MIDEAS: variants seen among roughly 807,000 people sequenced by gnomAD.
MIDEAS encodes mitotic deacetylase associated SANT domain protein.
MIDEAS carries 26 observed loss-of-function variants against 102.7 expected under a neutral mutation model. That is an observed-to-expected ratio of 0.25 (90% CI 0.19 to 0.35). The LOEUF (loss-of-function observed/expected upper bound fraction) is 0.35, where lower values mean the gene tolerates loss of function less well. Among genes scored for constraint, MIDEAS ranks in the 10% least tolerant of loss-of-function variants. The probability of loss-of-function intolerance (pLI) is 1.00; values close to 1 mark genes in which losing one functional copy is unlikely to be tolerated. For synonymous variants in MIDEAS, 585 were observed against 591.0 expected, an observed-to-expected ratio of 0.99 and a Z score of 0.15; for missense variants, 1,231 against 1,435.6, an observed-to-expected ratio of 0.86 and a Z score of 2.30.
rs569032904 is a variant in MIDEAS, at chr14:73,752,783, G to A, written c.-248+6980C>T. The stretch of plus-strand genomic sequence containing the variant: ...TTTCTCCAGTCTCTGAGCAGCTGCT[G>A]CAGGGCCTTTTCTCCTATGTTGATT... On this transcript the variant is annotated intron_variant, in intron 1 of 12. Transcript: ENST00000423556. Among the ~76,000 whole-genome samples, 12 of 152,324 alleles carry A rather than the reference G, an allele frequency of 7.9e-5. No individual in the cohort carries two copies. In the South Asian group the frequency reaches 8.3e-4, roughly 11 times the overall value.
At chr14:73,730,110 C>T in intron 3 of MIDEAS, 125 bp from the exon 4 acceptor site, 1 of 1,024,534 alleles carries the variant, frequency 9.8e-7, no homozygotes, top group South Asian at 1.4e-5. Flanking sequence ...CCAAGGCAAG[C>T]CTGAAAAAAG....
Position 73,718,956 on chromosome 14 carries a change from G to C in MIDEAS, c.3187C>G (p.Gln1063Glu). 1 of 1,519,758 alleles carries C rather than the reference G, an allele frequency of 6.6e-7. No homozygotes were observed. The highest frequency in any genetic ancestry group is 8.8e-7 in the Non-Finnish European group (1 of 1,141,394). The allele number at this position is 1,519,758 out of a possible 1,614,324, so 94.1% of individuals were successfully genotyped here. Residue 1063 changes from glutamine (Q) to glutamate (E), a missense_variant, in exon 13 of 13, where the codon CAG (glutamine) becomes GAG (glutamate). By Grantham distance (29) the Gln-to-Glu change is conservative (BLOSUM62 2). This residue lies in a region of MIDEAS where 71 missense variants were observed against 51.9 expected (regional missense o/e 1.37). Coordinates refer to ENST00000423556, the MANE Select transcript of MIDEAS (RefSeq NM_001367710.1). The part of the protein sequence containing the change: ...RSAHMKSHAE[Q>E]EKKAAALRLK... ...CTCAGCGCTGCAGCCTTCTTCTCCT[G>C]CTCTGCGTGGCTCTTCATATGCGCA...
chr14:73,739,168 G>T lies in MIDEAS; in HGVS notation c.841C>A (p.Pro281Thr). Residue 281 changes from proline (P) to threonine (T), a missense_variant, in exon 2 of 13, where the codon CCC (proline) becomes ACC (threonine). By Grantham distance (38) the Pro-to-Thr change is conservative (BLOSUM62 -1). Around this residue, in one of 5 missense-constraint regions of MIDEAS, gnomAD observed 758 missense variants for 856.0 expected, o/e 0.89. Transcript: ENST00000423556. ...FENFYSMPQQPSQQPQDFGLQ... is the reference protein window; with the variant it reads ...FENFYSMPQQTSQQPQDFGLQ... ...CCAAAGTCCTGGGGTTGCTGCGAGG[G>T]TTGCTGCGGCATGGAATAGAAGTTC... is the stretch of plus-strand genomic sequence containing the variant. 1 of 1,613,966 alleles carries T rather than the reference G, an allele frequency of 6.2e-7. No homozygotes were observed. The highest frequency in any genetic ancestry group is 1.1e-5 in the South Asian group (1 of 91,076).
chr14:73,746,188 C>G (rs930934599), intron 1 of MIDEAS, among the ~76,000 whole-genome samples: 1 of 152,212 alleles, frequency 6.6e-6, no homozygotes, highest in Admixed American at 6.5e-5. Flanking sequence ...CCTCCCTCCC[C>G]CATAGCCCCA....
At chr14:73,762,439 A>T (rs1243827625), upstream of MIDEAS, among the ~76,000 whole-genome samples, 1 of 152,224 alleles carries the variant, frequency 6.6e-6, no homozygotes, top group Non-Finnish European at 1.5e-5. Flanking sequence ...CACTACAGCT[A>T]AACTTCCAAA....
chr14:73,741,968 G>C (rs1015642890), intron 1 of MIDEAS, among the ~76,000 whole-genome samples: 1 of 152,110 alleles, frequency 6.6e-6, no homozygotes, highest in African/African-American at 2.4e-5. Flanking sequence ...GCAGAGCTGC[G>C]GGCTGCAGAA....
chr14:73,726,981 G>A lies in MIDEAS; in HGVS notation c.2163-9C>T. ...AGCCCACGTTGATCCGTCTAGAGGA[G>A]TGAAAAGGGCAGGAAGTGAGGCCTC... On this transcript the variant is annotated splice_polypyrimidine_tract_variant and intron_variant, in intron 5 of 12. Coordinates refer to ENST00000423556, the MANE Select transcript of MIDEAS (RefSeq NM_001367710.1). 1 of 1,578,584 alleles carries A rather than the reference G, an allele frequency of 6.3e-7. No homozygotes were observed. Among genetic ancestry groups the A allele is most frequent in the East Asian group, 2.3e-5 (1 of 44,136 alleles).
chr14:73,740,630 G>A (rs1329194260), intron 1 of MIDEAS, among the ~76,000 whole-genome samples: 1 of 152,238 alleles, frequency 6.6e-6, no homozygotes, highest in Non-Finnish European at 1.5e-5. Context: ...GAAAGAGGCA[G>A]CAAAAGCCAC....
intron 1 of MIDEAS, among the ~76,000 whole-genome samples, chr14:73,780,988 T>C (rs552852012): frequency 1.3e-5 from 2 of 152,210 alleles, no homozygotes; most frequent in African/African-American, 4.8e-5. Flanking sequence ...AATCTTTGAG[T>C]ACTGCCTTAG....
intron 1 of MIDEAS, among the ~76,000 whole-genome samples, chr14:73,743,479 AC>A (rs562877354): frequency 6.1e-4 from 93 of 151,534 alleles, no homozygotes; most frequent in African/African-American, 2.3e-3. Context: ...CTGCAACCCC[AC>A]CCCGGGCTCA....
At chr14:73,774,669 A>G (rs539163618) in intron 1 of MIDEAS, among the ~76,000 whole-genome samples, 1 of 151,864 alleles carries the variant, frequency 6.6e-6, no homozygotes, top group Non-Finnish European at 1.5e-5. Context: ...TACAGGTTTT[A>G]TACCCCCAAA....
At chr14:73,719,264 G>T in intron 12 of MIDEAS, 41 bp downstream of exon 12, 1 of 979,046 alleles carries the variant, frequency 1.0e-6, no homozygotes, top group Non-Finnish European at 1.3e-6. Context: ...CCGCGCACCA[G>T]CCCGCGGGGG....
rs561639675 is a variant in MIDEAS, at chr14:73,758,800, C to T, written c.-248+963G>A. On this transcript the variant is annotated intron_variant, in intron 1 of 12. Coordinates refer to ENST00000423556, the MANE Select transcript of MIDEAS (RefSeq NM_001367710.1). ...CTCCACTTTCTGTGGCAGGTACCTC[C>T]TCCATGTCGGCCCGCCTTGGGGCTG... The T allele has an allele frequency of 3.9e-3, 602 of 154,718 alleles. 3 individuals are homozygous for T. The highest frequency in any genetic ancestry group is 0.014 in the African/African-American group (582 of 41,674). 9.6% of individuals were successfully genotyped at this position (154,718 alleles called of 1,614,324 possible).
intron 3 of MIDEAS, among the ~76,000 whole-genome samples, chr14:73,733,782 C>T (rs949821479): frequency 6.6e-6 from 1 of 152,094 alleles, no homozygotes; most frequent in African/African-American, 2.4e-5. Context: ...ACAACCTCCA[C>T]CTCCCAGGTT....
chr14:73,780,001 T>C (rs1467365142), intron 1 of MIDEAS, among the ~76,000 whole-genome samples: 1 of 150,912 alleles, frequency 6.6e-6, no homozygotes, highest in Non-Finnish European at 1.5e-5. Flanking sequence ...GCCTCCCGAG[T>C]AGCTGGGACT....
chr14:73,777,788 T>C (rs769261764), intron 1 of MIDEAS, among the ~76,000 whole-genome samples: 6 of 152,038 alleles, frequency 3.9e-5, no homozygotes, highest in Admixed American at 3.9e-4. Flanking sequence ...CTGACATGCC[T>C]CTCTCTCCTG....
chr14:73,744,865 A>AC (rs1396076771), intron 1 of MIDEAS, among the ~76,000 whole-genome samples: 7 of 151,856 alleles, frequency 4.6e-5, no homozygotes, highest in Admixed American at 4.6e-4. Flanking sequence ...GGGAAACCTG[A>AC]CCCCAGAGCT....
At chr14:73,777,786 CCT>C (rs1759518057) in intron 1 of MIDEAS, among the ~76,000 whole-genome samples, 1 of 151,956 alleles carries the variant, frequency 6.6e-6, no homozygotes, top group Non-Finnish European at 1.5e-5. Context: ...TCCTGACATG[CCT>C]CTCTCTCCTG....
rs768749872 is a variant in MIDEAS, at chr14:73,737,258, C to A, written c.1489G>T (p.Ala497Ser). Residue 497 changes from alanine (A) to serine (S), a missense_variant, in exon 3 of 13, where the codon GCC becomes TCC. By Grantham distance (99) the Ala-to-Ser change is moderately conservative (BLOSUM62 1). Transcript: ENST00000423556. ...TCCACCCCACACTTGGTAGTTGAGGCCAATACACTTTTCCGCTTCTCTTCA... is the reference window on the plus strand; with the variant it reads ...TCCACCCCACACTTGGTAGTTGAGGACAATACACTTTTCCGCTTCTCTTCA... ...GSEEKRKSVL[A>S]STTKCGVEFS... 3 of 1,613,186 alleles carry A rather than the reference C, an allele frequency of 1.9e-6. No homozygotes were observed. The East Asian group carries it at 6.7e-5, about 36-fold the overall frequency.
Sources: allele counts gnomAD v4.1 joint callset (sites outside exome capture counted in the v4.1 genomes callset), GRCh38; gene constraint gnomAD v4.1.1; regional missense constraint gnomAD v4.1.1; transcripts MANE v1.5; gene names NCBI Gene and HGNC (gene_info 2026-07-23, HGNC 2026-07-21).